The following MAGI1 variants were observed in gnomAD, a reference collection of about 807,000 sequenced individuals.
MAGI1 encodes membrane associated guanylate kinase, WW and PDZ domain containing 1.
MAGI1 carries 58 observed loss-of-function variants against 139.9 expected under a neutral mutation model. That is an observed-to-expected ratio of 0.41 (90% confidence interval 0.34 to 0.52). MAGI1 has a LOEUF of 0.52. MAGI1 is among the 20% of genes least tolerant of loss of function. The pLI is 0.12. For missense variants in MAGI1, 1,874 were observed against 1,901.6 expected (o/e 0.99, Z 0.27); for synonymous variants, 812 against 737.9 (o/e 1.10, Z -1.63).
chr3:65,838,155 C>A (rs970525378), intron 1 of MAGI1, among the ~76,000 whole-genome samples: 14 of 152,076 alleles, frequency 9.2e-5, no homozygotes, highest in African/African-American at 3.1e-4. Flanking sequence ...ACTAAAAATA[C>A]AAAAAAATTA....
At chr3:65,688,400 G>A in intron 1 of MAGI1, 1 of 550,186 alleles carries the variant, frequency 1.8e-6, no homozygotes, top group Non-Finnish European at 3.5e-6. Context: ...AAAGGAAAGG[G>A]AGGAAGAAGA....
rs756817148 is a variant in MAGI1, at chr3:65,375,914, T to A, written c.3027A>T (p.Ile1009=). ...GNACVAMPHK[I]GRIIEGSPAD... ...CAGGGCTCCCCTCAATAATCCGACC[T>A]ATTTTGTGAGGCATAGCCACACATG... is the stretch of plus-strand genomic sequence containing the variant. Residue 1009 remains isoleucine (I), a synonymous_variant, in exon 18 of 23, where the codon ATA becomes ATT. Transcript: ENST00000402939. 9.9e-6 allele frequency: 16 copies of A among 1,614,118 alleles called. No individual in the cohort carries two copies. The highest frequency in any genetic ancestry group is 8.3e-5 in the Admixed American group (5 of 60,018).
At chr3:65,504,696 A>G (rs978227537) in intron 2 of MAGI1, among the ~76,000 whole-genome samples, 6 of 152,330 alleles carry the variant, frequency 3.9e-5, no homozygotes, top group Admixed American at 2.0e-4. Context: ...GGGAGAAGAA[A>G]GCTGGTAAAA....
chr3:65,900,453 G>C (rs999837565), intron 1 of MAGI1, among the ~76,000 whole-genome samples: 4 of 152,158 alleles, frequency 2.6e-5, no homozygotes, highest in Non-Finnish European at 5.9e-5. Context: ...ACTTGAAAAA[G>C]GGCTTAGTAT....
chr3:65,863,078 T>C (rs1198844687), intron 1 of MAGI1, among the ~76,000 whole-genome samples: 2 of 152,206 alleles, frequency 1.3e-5, no homozygotes, highest in Non-Finnish European at 2.9e-5. Context: ...CAGGCATTAA[T>C]AAACCTTCCC....
intron 1 of MAGI1, among the ~76,000 whole-genome samples, chr3:65,639,608 G>A (rs4557103): frequency 0.06 from 9,187 of 152,116 alleles, 917 homozygotes; most frequent in African/African-American, 0.21. Context: ...TTGTATCAAC[G>A]GACTGAGTAA....
intron 1 of MAGI1, among the ~76,000 whole-genome samples, chr3:65,876,425 T>C (rs1196774119): frequency 3.3e-5 from 5 of 152,068 alleles, no homozygotes; most frequent in Non-Finnish European, 7.3e-5. Context: ...GATACTACTA[T>C]GTAGTTAGGA....
chr3:65,498,000 G>A (rs892808167), intron 2 of MAGI1, among the ~76,000 whole-genome samples: 2 of 152,096 alleles, frequency 1.3e-5, no homozygotes, highest in African/African-American at 2.4e-5. Flanking sequence ...TGAGCAGCCC[G>A]CCCTGGGTCT....
chr3:65,470,949 G>A (rs996350905), intron 4 of MAGI1, among the ~76,000 whole-genome samples: 4 of 152,104 alleles, frequency 2.6e-5, no homozygotes, highest in Non-Finnish European at 5.9e-5. Context: ...TTGTATAAAC[G>A]ATTTTATAAG....
rs749065626 is a variant in MAGI1 at position 65,439,901 on chromosome 3, C to CTGCTGCTGCTGCTGT, written c.1233_1247dup (p.Gln417_Gln421dup). ...AACCTTCTGTCTGCTGCTGCTGCTG[C>CTGCTGCTGCTGCTGT]TGCTGCTGCTGCTGTTGCTGCTGCT... On this transcript the variant is annotated inframe_insertion, in exon 9 of 23. Transcript: ENST00000402939. 5 of 1,609,656 alleles carry CTGCTGCTGCTGCTGT rather than the reference C, an allele frequency of 3.1e-6. No homozygotes were observed. The highest frequency in any genetic ancestry group is 4.2e-6 in the Non-Finnish European group (5 of 1,177,496).
intron 1 of MAGI1, among the ~76,000 whole-genome samples, chr3:65,879,893 C>T (rs1168827950): frequency 6.6e-6 from 1 of 152,194 alleles, no homozygotes; most frequent in Non-Finnish European, 1.5e-5. Flanking sequence ...TTACCTATTA[C>T]AGTCTCTCCT....
intron 12 of MAGI1, among the ~76,000 whole-genome samples, chr3:65,422,150 A>G (rs1946671539): frequency 1.3e-5 from 2 of 152,218 alleles, no homozygotes; most frequent in African/African-American, 2.4e-5. Context: ...ACTGTCCTAT[A>G]TCGTAGCCAC....
At chr3:66,013,302 C>T (rs1313980955) in intron 1 of MAGI1, among the ~76,000 whole-genome samples, 1 of 151,198 alleles carries the variant, frequency 6.6e-6, no homozygotes, top group Non-Finnish European at 1.5e-5. Context: ...ACTTAGGAGG[C>T]TGAGGCAGGA....
At chr3:66,031,990 T>C (rs1262327611) in intron 1 of MAGI1, among the ~76,000 whole-genome samples, 1 of 152,212 alleles carries the variant, frequency 6.6e-6, no homozygotes, top group African/African-American at 2.4e-5. Flanking sequence ...CATTAATCCT[T>C]GTCAGTCATT....
In MAGI1 at chr3:65,698,407, C is replaced by T. The variant is rs1281111518; in HGVS notation, c.314-76319G>A. 4.0e-5 allele frequency among the ~76,000 whole-genome samples: 6 copies of T among 148,280 alleles called. No homozygotes were observed. The South Asian group carries it at 6.4e-4, about 16-fold the overall frequency. On this transcript the variant is annotated intron_variant, in intron 1 of 22. Transcript: ENST00000402939. ...GTTCATATGGAACCAAAAAAGAGCC[C>T]GCATCACCAAGGCAATCCTAAGCCA...
intron 1 of MAGI1, among the ~76,000 whole-genome samples, chr3:65,834,216 T>C (rs913021873): frequency 6.6e-6 from 1 of 152,252 alleles, no homozygotes; most frequent in African/African-American, 2.4e-5. Context: ...GGAGGTTCTG[T>C]AAAGGCTACT....
intron 2 of MAGI1, among the ~76,000 whole-genome samples, chr3:65,608,214 G>A (rs893779466): frequency 6.6e-6 from 1 of 152,316 alleles, no homozygotes; most frequent in African/African-American, 2.4e-5. Flanking sequence ...GGGTGAGACA[G>A]GCGGATCACC....
At chr3:65,642,699 C>G (rs1220470528) in intron 1 of MAGI1, among the ~76,000 whole-genome samples, 1 of 152,142 alleles carries the variant, frequency 6.6e-6, no homozygotes, top group Non-Finnish European at 1.5e-5. Context: ...TTGCTTTTCT[C>G]CCCATAATTA....
At chr3:65,926,563 G>A (rs1017241049) in intron 1 of MAGI1, among the ~76,000 whole-genome samples, 6 of 152,138 alleles carry the variant, frequency 3.9e-5, no homozygotes, top group African/African-American at 1.4e-4. Context: ...GATAAAATAG[G>A]CTGCAGTAAA....
Sources: allele counts gnomAD v4.1 joint callset (sites outside exome capture counted in the v4.1 genomes callset), GRCh38; gene constraint gnomAD v4.1.1; transcripts MANE v1.5; gene names NCBI Gene and HGNC (gene_info 2026-07-23, HGNC 2026-07-21).